The following DUSP7 variants were observed in gnomAD, a reference collection of about 807,000 sequenced individuals.
The protein encoded by DUSP7 is dual specificity protein phosphatase 7.
A neutral mutation model predicts 29.8 loss-of-function variants in DUSP7; 7 were observed. That is an observed-to-expected ratio of 0.24 (90% CI 0.13 to 0.44). The LOEUF (loss-of-function observed/expected upper bound fraction) is 0.44. DUSP7 is among the 20% of genes least tolerant of loss of function. DUSP7 has a pLI of 1.00. For synonymous variants in DUSP7, 287 were observed against 275.4 expected, an observed-to-expected ratio of 1.04 and a Z score of -0.42; for missense variants, 400 against 583.7, an observed-to-expected ratio of 0.69 and a Z score of 3.24.
Position 52,056,310 on chromosome 3 carries a change from CG to C in DUSP7, c.56del (p.Ala19GlyfsTer321). The C allele has an allele frequency of 1.7e-6, 2 of 1,192,340 alleles. No homozygotes were observed. The highest frequency in any genetic ancestry group is 2.1e-6 in the Non-Finnish European group (2 of 964,922). The allele number at this position is 1,192,340 out of a possible 1,614,324, so 73.9% of individuals were successfully genotyped here. On this transcript the variant is annotated frameshift_variant, in exon 1 of 3. Coordinates refer to ENST00000495880, the MANE Select transcript of DUSP7 (RefSeq NM_001947.4). LOFTEE classifies it high-confidence loss of function. The surrounding 1 kb of genome is among the most constrained non-coding windows in gnomAD (Gnocchi z 6.4). Reference sequence around the variant, plus strand: ...CCGCCCGGGTGCCCCCAGCCGCCGCCGCCCCCGAAGTCGACATGTGCGCCCG... The same window carrying C: ...CCGCCCGGGTGCCCCCAGCCGCCGCCCCCCCGAAGTCGACATGTGCGCCCG... ...PARAHMSTSG[A>X]AAAGGTRAGS...
Position 52,053,954 on chromosome 3 carries a change from G to T in DUSP7, c.938C>A (p.Ala313Asp). 1 of 1,614,162 alleles carries T rather than the reference G, an allele frequency of 6.2e-7. No homozygotes were observed. The highest frequency in any genetic ancestry group is 8.5e-7 in the Non-Finnish European group (1 of 1,180,012). The change falls in exon 2 of 3, where the codon GCC becomes GAC. Residue 313 changes from alanine (A) to aspartate (D), a missense_variant. Coordinates refer to ENST00000495880, the MANE Select transcript of DUSP7 (RefSeq NM_001947.4). The surrounding 1 kb of genome is among the most constrained non-coding windows in gnomAD (Gnocchi z 4.6). ...ACAGCACCTACCAATGAAGCTGATG[G>T]CCTCAGGGAAGAACTGGGAGAGGTT... ...SQNLSQFFPE[A>D]ISFIDEARSK...
Position 52,051,010 on chromosome 3 carries a change from G to A in DUSP7, c.1065C>T (p.Asn355=), listed in dbSNP as rs552659867. The change falls in exon 3 of 3, where the codon AAC becomes AAT. Residue 355 remains asparagine (N), a synonymous_variant. Coordinates refer to ENST00000495880, the MANE Select transcript of DUSP7 (RefSeq NM_001947.4). The surrounding 1 kb of genome is among the most constrained non-coding windows in gnomAD (Gnocchi z 4.8). ...YLMQKMNLSL[N]DAYDFVKRKK... ...TCCTCTTGACAAAGTCGTAGGCGTCGTTGAGTGACAGGTTCATCTTCTGCA... is the reference window on the plus strand; with the variant it reads ...TCCTCTTGACAAAGTCGTAGGCGTCATTGAGTGACAGGTTCATCTTCTGCA... 5.9e-5 allele frequency: 96 copies of A among 1,614,236 alleles called. No homozygotes were observed. Among genetic ancestry groups the A allele is most frequent in the South Asian group, 5.5e-4 (50 of 91,088 alleles).
chr3:52,048,952 A>T lies in DUSP7; in HGVS notation c.*1863T>A, dbSNP rs1701815807. On this transcript the variant is annotated 3_prime_UTR_variant, in exon 3 of 3. Transcript: ENST00000495880. ...AAAAAATAATATTTATTTGCAATAT[A>T]AACAAAGTCCCGTTGTTGGTTCGGG... 1 of 152,182 alleles carries T rather than the reference A, an allele frequency of 6.6e-6. No homozygotes were observed. Among genetic ancestry groups the T allele is most frequent in the African/African-American group, 2.4e-5 (1 of 41,432 alleles). 9.4% of individuals were successfully genotyped at this position (152,182 alleles called of 1,614,324 possible). A position where few individuals can be genotyped will look rare whatever the true frequency, so the allele number is the denominator to read the frequency against.
chr3:52,054,022 C>T lies in DUSP7; in HGVS notation c.870G>A (p.Glu290=). 2 of 1,614,218 alleles carry T rather than the reference C, an allele frequency of 1.2e-6. No homozygotes were observed. The highest frequency in any genetic ancestry group is 1.7e-6 in the Non-Finnish European group (2 of 1,180,040). Residue 290 remains glutamate, a synonymous_variant, in exon 2 of 3, where the codon GAG becomes GAA. Coordinates refer to ENST00000495880, the MANE Select transcript of DUSP7 (RefSeq NM_001947.4). This position sits in a 1 kb window ranked among gnomAD's most constrained non-coding sequence, Gnocchi z 4.1. ...AGATGGGGATCTGCTTGTAGGTGAA[C>T]TCGCCGCCGTGCTCGAAGGCGTTGG... The part of the protein sequence containing the change: ...NLPNAFEHGG[E]FTYKQIPISD...
intron 1 of DUSP7, among the ~76,000 whole-genome samples, chr3:52,055,337 C>G (rs1701889462): frequency 6.6e-6 from 1 of 152,188 alleles, no homozygotes. Context: ...CTGCCCCAAG[C>G]GCCTCCTAGA....
chr3:52,053,351 TC>T lies in DUSP7; in HGVS notation c.952+588del, dbSNP rs1701864463. On this transcript the variant is annotated intron_variant, in intron 2 of 2. Transcript: ENST00000495880. The surrounding 1 kb of genome is among the most constrained non-coding windows in gnomAD (Gnocchi z 4.6). ...GACACACTGCTCTGGGGAAGGCCTT[TC>T]TCCACTCCCCCACCTTCTCTTGCAC... 1 of 161,084 alleles carries T rather than the reference TC, an allele frequency of 6.2e-6. No homozygotes were observed. The highest frequency in any genetic ancestry group is 1.4e-5 in the Non-Finnish European group (1 of 72,474). The allele number at this position is 161,084 out of a possible 1,614,324, so 10.0% of individuals were successfully genotyped here.
At position 52,056,293 on chromosome 3, in the gene DUSP7, G is replaced by A. The variant is rs1224126628; in HGVS notation, c.74C>T (p.Thr25Ile). ...CGCACCGGGCTCGGACCCCGCCCGG[G>A]TGCCCCCAGCCGCCGCCGCCCCCGA... ...STSGAAAAGG[T>I]RAGSEPGAGS... The change falls in exon 1 of 3, where the codon ACC (threonine) becomes ATC (isoleucine). Residue 25 changes from threonine to isoleucine, a missense_variant. Physicochemically the swap from Thr to Ile is moderately conservative, Grantham distance 89. Around this residue, in one of 4 missense-constraint regions of DUSP7, gnomAD observed 96 missense variants for 97.1 expected, o/e 0.99. Coordinates refer to ENST00000495880, the MANE Select transcript of DUSP7 (RefSeq NM_001947.4). This position sits in a 1 kb window ranked among gnomAD's most constrained non-coding sequence, Gnocchi z 6.4. 1.9e-5 allele frequency: 23 copies of A among 1,215,612 alleles called. No homozygotes were observed. Among genetic ancestry groups the A allele is most frequent in the Non-Finnish European group, 5.1e-6 (5 of 979,818 alleles). The allele number at this position is 1,215,612 out of a possible 1,614,324, so 75.3% of individuals were successfully genotyped here.
At position 52,056,402 on chromosome 3, in the gene DUSP7, G is replaced by A. The variant is rs1344925009; in HGVS notation, c.-36C>T. On this transcript the variant is annotated 5_prime_UTR_variant, in exon 1 of 3. Coordinates refer to ENST00000495880, the MANE Select transcript of DUSP7 (RefSeq NM_001947.4). The surrounding 1 kb of genome is among the most constrained non-coding windows in gnomAD (Gnocchi z 6.4). Reference sequence around the variant, plus strand: ...GGCGGCCCGGGGCCGGGGCCGGGCAGCCCTGCCCTGGGACGGCGCCCCGGC... The same window carrying A: ...GGCGGCCCGGGGCCGGGGCCGGGCAACCCTGCCCTGGGACGGCGCCCCGGC... The A allele has an allele frequency of 4.0e-6, 4 of 1,007,056 alleles. No individual in the cohort carries two copies. The highest frequency in any genetic ancestry group is 1.2e-6 in the Non-Finnish European group (1 of 842,782). 62.4% of individuals were successfully genotyped at this position (1,007,056 alleles called of 1,614,324 possible).
Position 52,054,166 on chromosome 3 carries a change from T to C in DUSP7, c.726A>G (p.Pro242=), listed in dbSNP as rs1701873061. 1 of 1,613,980 alleles carries C rather than the reference T, an allele frequency of 6.2e-7. No individual in the cohort carries two copies. Among genetic ancestry groups the C allele is most frequent in the Non-Finnish European group, 8.5e-7 (1 of 1,179,946 alleles). ...AGGGCAGGATCTGGACAGGGAAGGC[T>C]GGTTGGCTGGATGGCACAGGGCTGC... ...SDGSPVPSSQ[P]AFPVQILPYL... is the part of the protein sequence containing the mutation. Residue 242 remains proline (P), a synonymous_variant, in exon 2 of 3, where the codon CCA becomes CCG. Transcript: ENST00000495880. The surrounding 1 kb of genome is among the most constrained non-coding windows in gnomAD (Gnocchi z 4.1).
At chr3:52,055,381 G>A (rs1402228913) in intron 1 of DUSP7, among the ~76,000 whole-genome samples, 3 of 152,160 alleles carry the variant, frequency 2.0e-5, no homozygotes, top group Non-Finnish European at 4.4e-5. Flanking sequence ...AGCAATTCCC[G>A]GATCCAGGAG....
In DUSP7 at chr3:52,054,037, G is replaced by A. The variant is rs1444614926; in HGVS notation, c.855C>T (p.Phe285=). Reference sequence around the variant, plus strand: ...TGTAGGTGAACTCGCCGCCGTGCTCGAAGGCGTTGGGTAGGTTGGGTGTGA... The same window carrying A: ...TGTAGGTGAACTCGCCGCCGTGCTCAAAGGCGTTGGGTAGGTTGGGTGTGA... ...LNVTPNLPNA[F]EHGGEFTYKQ... is the part of the protein sequence containing the mutation. Residue 285 remains phenylalanine (F), a synonymous_variant, in exon 2 of 3, where the codon TTC becomes TTT. Transcript: ENST00000495880. The surrounding 1 kb of genome is among the most constrained non-coding windows in gnomAD (Gnocchi z 4.1). 6 of 1,614,226 alleles carry A rather than the reference G, an allele frequency of 3.7e-6. No homozygotes were observed. Among genetic ancestry groups the A allele is most frequent in the South Asian group, 3.3e-5 (3 of 91,090 alleles).
rs957786856 is a variant in DUSP7 at position 52,051,699 on chromosome 3, T to C, written c.953-577A>G. The stretch of plus-strand genomic sequence containing the variant: ...GCTGGTTCTCTTGGAGCCGCTCCCA[T>C]GGGTTGTCCCTGAGAGTCTTCTAGG... On this transcript the variant is annotated intron_variant, in intron 2 of 2. Coordinates refer to ENST00000495880, the MANE Select transcript of DUSP7 (RefSeq NM_001947.4). This position sits in a 1 kb window ranked among gnomAD's most constrained non-coding sequence, Gnocchi z 4.8. The C allele has an allele frequency of 6.5e-6, 1 of 152,800 alleles. No homozygotes were observed. The highest frequency in any genetic ancestry group is 1.5e-5 in the Non-Finnish European group (1 of 68,466). 9.5% of individuals were successfully genotyped at this position (152,800 alleles called of 1,614,324 possible).
In DUSP7 at chr3:52,053,893, T is replaced by C. The variant is rs546881981; in HGVS notation, c.952+47A>G. 6.2e-7 allele frequency: 1 copy of C among 1,609,696 alleles called. No homozygotes were observed. Among genetic ancestry groups the C allele is most frequent in the African/African-American group, 1.3e-5 (1 of 74,776 alleles). ...CGGGGGCGCCACCCAGAGTCCTGCA[T>C]ACACCTTGATGCACCCACACCCCCC... On this transcript the variant is annotated intron_variant, in intron 2 of 2. Coordinates refer to ENST00000495880, the MANE Select transcript of DUSP7 (RefSeq NM_001947.4). The surrounding 1 kb of genome is among the most constrained non-coding windows in gnomAD (Gnocchi z 4.6).
chr3:52,056,239 G>T lies in DUSP7; in HGVS notation c.128C>A (p.Ala43Glu). The change falls in exon 1 of 3, where the codon GCG becomes GAG. Residue 43 changes from alanine to glutamate, a missense_variant. Transcript: ENST00000495880. This position sits in a 1 kb window ranked among gnomAD's most constrained non-coding sequence, Gnocchi z 6.4. ...GGCCCCTGCCCCCGTCGCCGCGCCC[G>T]CCCCGGTGCCTGCGCCGGACCCCGA... ...AGSGSGAGTG[A>E]GAATGAGAMP... 1 of 1,394,734 alleles carries T rather than the reference G, an allele frequency of 7.2e-7. No individual in the cohort carries two copies. Among genetic ancestry groups the T allele is most frequent in the Non-Finnish European group, 9.3e-7 (1 of 1,080,320 alleles). The allele number at this position is 1,394,734 out of a possible 1,614,324, so 86.4% of individuals were successfully genotyped here.
Position 52,053,629 on chromosome 3 carries a change from T to G in DUSP7, c.952+311A>C. The stretch of plus-strand genomic sequence containing the variant: ...TGGGAGGTCTGTGCGCTGTGATGTT[T>G]CAGCTTGCTAAGCCCGAAACAACAT... On this transcript the variant is annotated intron_variant, in intron 2 of 2. Coordinates refer to ENST00000495880, the MANE Select transcript of DUSP7 (RefSeq NM_001947.4). The surrounding 1 kb of genome is among the most constrained non-coding windows in gnomAD (Gnocchi z 4.6). 1 of 415,428 alleles carries G rather than the reference T, an allele frequency of 2.4e-6. No homozygotes were observed. The highest frequency in any genetic ancestry group is 2.0e-5 in the African/African-American group (1 of 49,904). 25.7% of individuals were successfully genotyped at this position (415,428 alleles called of 1,614,324 possible). A position where few individuals can be genotyped will look rare whatever the true frequency, so the allele number is the denominator to read the frequency against.
chr3:52,053,920 GCC>G lies in DUSP7; in HGVS notation c.952+18_952+19del, dbSNP rs745859528. The G allele has an allele frequency of 1.9e-5, 30 of 1,613,954 alleles. No individual in the cohort carries two copies. The South Asian group carries it at 3.1e-4, about 17-fold the overall frequency. On this transcript the variant is annotated intron_variant, in intron 2 of 2. Transcript: ENST00000495880. This position sits in a 1 kb window ranked among gnomAD's most constrained non-coding sequence, Gnocchi z 4.6. ...CACCTTGATGCACCCACACCCCCCTGCCCAGCACACAGCACCTACCAATGAAG... is the reference window on the plus strand; with the variant it reads ...CACCTTGATGCACCCACACCCCCCTGCAGCACACAGCACCTACCAATGAAG...
rs763652034 is a variant in DUSP7 at position 52,055,971 on chromosome 3, G to C, written c.396C>G (p.Thr132=). The C allele has an allele frequency of 1.9e-6, 3 of 1,577,102 alleles. No individual in the cohort carries two copies. The East Asian group carries it at 7.0e-5, about 37-fold the overall frequency. The change falls in exon 1 of 3, where the codon ACC becomes ACG. Residue 132 remains threonine, a synonymous_variant. Coordinates refer to ENST00000495880, the MANE Select transcript of DUSP7 (RefSeq NM_001947.4). ...ERFATRCKAA[T]VLLYDEATAE... is the part of the protein sequence containing the mutation. ...CCGTGGCCTCGTCGTAGAGCAGCAC[G>C]GTGGCCGCCTTGCAGCGCGTGGCGA...
chr3:52,048,951 TA>T lies in DUSP7; in HGVS notation c.*1863del, dbSNP rs1399231172. 6.6e-6 allele frequency: 1 copy of T among 152,180 alleles called. No homozygotes were observed. Among genetic ancestry groups the T allele is most frequent in the African/African-American group, 2.4e-5 (1 of 41,424 alleles). The allele number at this position is 152,180 out of a possible 1,614,324, so 9.4% of individuals were successfully genotyped here. On this transcript the variant is annotated 3_prime_UTR_variant, in exon 3 of 3. Coordinates refer to ENST00000495880, the MANE Select transcript of DUSP7 (RefSeq NM_001947.4). Reference sequence around the variant, plus strand: ...GAAAAAATAATATTTATTTGCAATATAAACAAAGTCCCGTTGTTGGTTCGGG... The same window carrying T: ...GAAAAAATAATATTTATTTGCAATATAACAAAGTCCCGTTGTTGGTTCGGG...
chr3:52,055,575 G>A (rs2106894669), intron 1 of DUSP7, among the ~76,000 whole-genome samples: 1 of 152,276 alleles, frequency 6.6e-6, no homozygotes, highest in Non-Finnish European at 1.5e-5. Flanking sequence ...AGGCACTACT[G>A]TCGCCCCATC....
Sources: gnomAD v4.1 joint callset for allele counts (sites outside exome capture counted in the v4.1 genomes callset) on GRCh38, gnomAD v4.1.1 for gene constraint, gnomAD v4.1.1 regional missense constraint, Gnocchi (gnomAD v3.1) non-coding constraint, MANE v1.5 for transcripts, NCBI Gene and HGNC (gene_info 2026-07-23, HGNC 2026-07-21) for gene names.